Variants in GTPBP1 observed in about 807,000 individuals in gnomAD.
GTPBP1 encodes GTP-binding protein 1.
A neutral mutation model predicts 62.0 loss-of-function variants in GTPBP1; 23 were observed. That is an observed-to-expected ratio of 0.37 (90% confidence interval 0.27 to 0.53). The LOEUF is 0.53. GTPBP1 is among the 20% of genes least tolerant of loss of function. The probability of loss-of-function intolerance (pLI) is 0.89; values close to 1 mark genes in which losing one functional copy is unlikely to be tolerated. For missense variants in GTPBP1, 640 were observed against 917.3 expected (o/e 0.70, Z 3.90); for synonymous variants, 344 against 364.4 (o/e 0.94, Z 0.64).
intron 2 of GTPBP1, among the ~76,000 whole-genome samples, chr22:38,709,247 G>A (rs1309924118): frequency 6.6e-6 from 1 of 151,976 alleles, no homozygotes; most frequent in Non-Finnish European, 1.5e-5. Flanking sequence ...AGCCAAGATC[G>A]TGCCATTGTG....
Position 38,728,043 on chromosome 22 carries a change from G to A in GTPBP1, c.1598G>A (p.Arg533His). The A allele has an allele frequency of 2.5e-6, 4 of 1,612,834 alleles. No individual in the cohort carries two copies. The highest frequency in any genetic ancestry group is 2.2e-5 in the South Asian group (2 of 91,048). The change falls in exon 10 of 12, where the codon CGC (arginine) becomes CAC (histidine). Residue 533 changes from arginine (R) to histidine (H), a missense_variant. By Grantham distance (29) the Arg-to-His change is conservative (BLOSUM62 0). This residue lies in a region of GTPBP1 where 220 missense variants were observed against 358.1 expected (regional missense o/e 0.61). Coordinates refer to ENST00000216044, the MANE Select transcript of GTPBP1 (RefSeq NM_004286.5). ...CTGAGCATGGACAAGGACTGTCTGC[G>A]CACTGGGGACAAGGCCACTGTACAC... ...TILSMDKDCL[R>H]TGDKATVHFR... is the part of the protein sequence containing the mutation.
At chr22:38,710,760 T>A (rs767918464) in intron 2 of GTPBP1, among the ~76,000 whole-genome samples, 1 of 152,152 alleles carries the variant, frequency 6.6e-6, no homozygotes, top group Non-Finnish European at 1.5e-5. Flanking sequence ...AGGAACCACA[T>A]ATAGGTCAAT....
chr22:38,731,010 TTGTGTGTGTG>T lies in GTPBP1; in HGVS notation c.*337_*346del, dbSNP rs397836314. Reference sequence around the variant, plus strand: ...TATTATATGTCTCTGTCTCTCTCTATTGTGTGTGTGTGTGTGTGTGTGTGTGTGTGTGTGT... The same window carrying T: ...TATTATATGTCTCTGTCTCTCTCTATTGTGTGTGTGTGTGTGTGTGTGTGT... On this transcript the variant is annotated 3_prime_UTR_variant, in exon 12 of 12. Coordinates refer to ENST00000216044, the MANE Select transcript of GTPBP1 (RefSeq NM_004286.5). The T allele has an allele frequency of 1.3e-3, 232 of 183,766 alleles. 1 individual carries two copies. Among genetic ancestry groups the T allele is most frequent in the African/African-American group, 4.9e-3 (183 of 37,082 alleles). 11.4% of individuals were successfully genotyped at this position (183,766 alleles called of 1,614,324 possible). A position where few individuals can be genotyped will look rare whatever the true frequency, so the allele number is the denominator to read the frequency against.
chr22:38,720,298 C>A (rs1233297063), intron 4 of GTPBP1, among the ~76,000 whole-genome samples: 1 of 152,070 alleles, frequency 6.6e-6, no homozygotes. Context: ...TGGCTCACTG[C>A]AACCTCCGCC....
intron 2 of GTPBP1, 53 bp from the exon 3 acceptor site, chr22:38,715,854 G>C (rs2092666923): frequency 2.0e-6 from 3 of 1,488,884 alleles, no homozygotes; most frequent in Non-Finnish European, 2.7e-6. Flanking sequence ...CTGGTTGGCA[G>C]GCTGGTTGGT....
intron 6 of GTPBP1, chr22:38,725,365 G>A (rs543913273): frequency 1.3e-5 from 2 of 152,550 alleles, no homozygotes; most frequent in East Asian, 3.9e-4. Flanking sequence ...AGCTCTCCAG[G>A]AACTCAGAGG....
At chr22:38,741,710 G>A (rs149906628), downstream of GTPBP1, 985 of 725,428 alleles carry the variant, frequency 1.4e-3, 1 homozygote, top group Non-Finnish European at 2.0e-3. Flanking sequence ...TCTGAACCAC[G>A]CAAGACTCCC....
chr22:38,736,509 G>A (rs866849980), downstream of GTPBP1: 124 of 693,982 alleles, frequency 1.8e-4, no homozygotes, highest in Middle Eastern at 2.0e-3. Flanking sequence ...GGGCTCTGAA[G>A]AGAACCAGGC....
intron 4 of GTPBP1, among the ~76,000 whole-genome samples, chr22:38,717,955 A>T (rs2092679959): frequency 6.6e-6 from 1 of 152,236 alleles, no homozygotes; most frequent in Non-Finnish European, 1.5e-5. Flanking sequence ...TGCCTGTATT[A>T]ATAAATGTAG....
At chr22:38,714,305 C>G (rs555152014) in intron 2 of GTPBP1, among the ~76,000 whole-genome samples, 1 of 151,924 alleles carries the variant, frequency 6.6e-6, no homozygotes, top group Non-Finnish European at 1.5e-5. Flanking sequence ...ATGGTGAAAC[C>G]CCGTCTCTAC....
chr22:38,738,195 G>A (rs2092823799), downstream of GTPBP1: 2 of 1,613,854 alleles, frequency 1.2e-6, no homozygotes, highest in Non-Finnish European at 8.5e-7. The surrounding 1 kb of genome is among the most constrained non-coding windows in gnomAD (Gnocchi z 6.6). Context: ...CGTCTGAATA[G>A]GCTCGCCGTC....
rs16999297 is a variant in GTPBP1 at position 38,726,033 on chromosome 22, C to T, written c.1101C>T (p.Asn367=). 0.032 allele frequency: 51,077 copies of T among 1,613,656 alleles called. 2,068 individuals carry two copies. The highest frequency in any genetic ancestry group is 0.18 in the African/African-American group (13,198 of 74,892). The change falls in exon 7 of 12, where the codon AAC becomes AAT. Residue 367 remains asparagine (N), a synonymous_variant. Coordinates refer to ENST00000216044, the MANE Select transcript of GTPBP1 (RefSeq NM_004286.5). This position sits in a 1 kb window ranked among gnomAD's most constrained non-coding sequence, Gnocchi z 4.1. The part of the protein sequence containing the change: ...ERMCPIFQIS[N]VTGENLDLLK... ...TGTGCCCGATATTCCAGATCTCCAA[C>T]GTTACAGGCGAGAACCTAGATCTGC...
At chr22:38,734,686 C>CTTT (rs2092785662), downstream of GTPBP1, 1 of 195,566 alleles carries the variant, frequency 5.1e-6, no homozygotes, top group African/African-American at 2.4e-5. Flanking sequence ...CCAAGAGCAG[C>CTTT]TGCCCTAGGT....
At chr22:38,737,930 C>T, downstream of GTPBP1, 1 of 680,108 alleles carries the variant, frequency 1.5e-6, no homozygotes, top group Non-Finnish European at 2.8e-6. The surrounding 1 kb of genome is among the most constrained non-coding windows in gnomAD (Gnocchi z 4.1). Flanking sequence ...GTAAAGCCCA[C>T]CTCCTGGTGT....
downstream of GTPBP1, chr22:38,736,336 C>T (rs199596224): frequency 6.2e-7 from 1 of 1,613,996 alleles, no homozygotes; most frequent in Non-Finnish European, 8.5e-7. Flanking sequence ...CCCAGTTAGT[C>T]AGGATCCGCA....
chr22:38,725,661 C>T (rs1476788228), intron 6 of GTPBP1: 1 of 246,522 alleles, frequency 4.1e-6, no homozygotes. Flanking sequence ...GGTATCTTCT[C>T]TGTGGTGGAA....
In GTPBP1 at chr22:38,716,015, A is replaced by T. The variant is rs779296160; in HGVS notation, c.413A>T (p.Gln138Leu). The T allele has an allele frequency of 3.1e-6, 5 of 1,613,964 alleles. No homozygotes were observed. Residue 138 changes from glutamine (Q) to leucine (L), a missense_variant, in exon 3 of 12, where the codon CAA (glutamine) becomes CTA (leucine). Around this residue, in one of 4 missense-constraint regions of GTPBP1, gnomAD observed 215 missense variants for 235.1 expected, o/e 0.91. Transcript: ENST00000216044. The surrounding 1 kb of genome is among the most constrained non-coding windows in gnomAD (Gnocchi z 5.2). ...GATGTCATCCTTCTGCGGGAACGGC[A>T]AGAAGCTGGGGGCCGCGTGCGTGAT... ...EADVILLRER[Q>L]EAGGRVRDYL...
intron 6 of GTPBP1, 91 bp from the exon 7 acceptor site, chr22:38,725,915 G>T: frequency 2.5e-6 from 3 of 1,204,180 alleles, no homozygotes; most frequent in East Asian, 2.3e-5. Context: ...TGCTCCTCGA[G>T]CCCTGTTGCT....
chr22:38,726,324 C>T lies in GTPBP1; in HGVS notation c.1285C>T (p.Leu429=). 6.2e-7 allele frequency: 1 copy of T among 1,614,116 alleles called. No individual in the cohort carries two copies. Among genetic ancestry groups the T allele is most frequent in the Non-Finnish European group, 8.5e-7 (1 of 1,180,002 alleles). Residue 429 remains leucine, a synonymous_variant, in exon 8 of 12, where the codon CTG becomes TTG. Transcript: ENST00000216044. This position sits in a 1 kb window ranked among gnomAD's most constrained non-coding sequence, Gnocchi z 4.1. ...GATCAAGCTGAATGACACGCTGCTG[C>T]TGGGCCCAGACCCCTTGGGTAACTT... ...GLIKLNDTLL[L]GPDPLGNFLS...
Sources: gnomAD v4.1 joint callset for allele counts (sites outside exome capture counted in the v4.1 genomes callset) on GRCh38, gnomAD v4.1.1 for gene constraint, gnomAD v4.1.1 regional missense constraint, Gnocchi (gnomAD v3.1) non-coding constraint, MANE v1.5 for transcripts, NCBI Gene and HGNC (gene_info 2026-07-23, HGNC 2026-07-21) for gene names.